The following NALF1 variants were observed in gnomAD, a reference collection of about 807,000 sequenced individuals.
NALF1 encodes NALCN channel auxiliary factor 1, also known as family with sequence similarity 155 member A.
In NALF1, 3 loss-of-function variants were observed where a neutral mutation model predicts 48.4. The ratio of observed to expected loss-of-function variants is 0.06; its 90% confidence interval spans 0.03 to 0.16. The LOEUF is 0.16. NALF1 is among the 10% of genes least tolerant of loss of function. NALF1 has a pLI of 1.00. For missense variants in NALF1, 526 were observed against 571.5 expected, an observed-to-expected ratio of 0.92 and a Z score of 0.81; for synonymous variants, 262 against 245.7, an observed-to-expected ratio of 1.07 and a Z score of -0.62.
intron 1 of NALF1, among the ~76,000 whole-genome samples, chr13:107,598,382 C>T (rs967423342): frequency 1.3e-5 from 2 of 152,162 alleles, no homozygotes; most frequent in African/African-American, 4.8e-5. Context: ...TTTAAGTAAT[C>T]ACTGTCAGTC....
intron 1 of NALF1, among the ~76,000 whole-genome samples, chr13:107,405,443 C>G (rs181598872): frequency 1.4e-3 from 213 of 152,124 alleles, no homozygotes; most frequent in Non-Finnish European, 2.6e-3. Context: ...TTGAAGTGGC[C>G]TTTCTGTTGA....
chr13:107,321,544 A>G (rs117930340), intron 1 of NALF1, among the ~76,000 whole-genome samples: 3,678 of 152,178 alleles, frequency 0.024, 52 homozygotes, highest in Middle Eastern at 0.058. Flanking sequence ...GGATTAAGAT[A>G]TTTGCCATTT....
intron 1 of NALF1, among the ~76,000 whole-genome samples, chr13:107,696,012 G>A (rs559555750): frequency 5.3e-5 from 8 of 151,272 alleles, no homozygotes; most frequent in Admixed American, 2.6e-4. Context: ...TTCTCCTGCC[G>A]CAGCCTCCTG....
chr13:107,446,674 T>C (rs2139031215), intron 1 of NALF1, among the ~76,000 whole-genome samples: 1 of 152,326 alleles, frequency 6.6e-6, no homozygotes, highest in South Asian at 2.1e-4. Context: ...CCTAACACTT[T>C]CTGTTTCTTA....
At chr13:107,210,982 T>C (rs1259624618) in intron 1 of NALF1, among the ~76,000 whole-genome samples, 2 of 152,244 alleles carry the variant, frequency 1.3e-5, no homozygotes, top group Non-Finnish European at 2.9e-5. Context: ...TAATAGAATG[T>C]AAAAGGTATT....
chr13:107,553,275 T>G (rs1877351336), intron 1 of NALF1, among the ~76,000 whole-genome samples: 1 of 152,182 alleles, frequency 6.6e-6, no homozygotes, highest in South Asian at 2.1e-4. Flanking sequence ...TACTTCACAT[T>G]TCAGAAAAAT....
intron 1 of NALF1, among the ~76,000 whole-genome samples, chr13:107,247,709 CAG>C (rs1423489476): frequency 1.3e-5 from 2 of 152,064 alleles, no homozygotes; most frequent in African/African-American, 2.4e-5. Flanking sequence ...ATGTAGCAAA[CAG>C]AAAGTAATGA....
chr13:107,365,684 C>A (rs1883140559), intron 1 of NALF1, among the ~76,000 whole-genome samples: 1 of 152,188 alleles, frequency 6.6e-6, no homozygotes, highest in South Asian at 2.1e-4. Flanking sequence ...CCTGTAATCT[C>A]ATTCCATTCC....
At chr13:107,373,646 C>T (rs927701564) in intron 1 of NALF1, among the ~76,000 whole-genome samples, 1 of 152,216 alleles carries the variant, frequency 6.6e-6, no homozygotes, top group African/African-American at 2.4e-5. Context: ...AGATACTCAG[C>T]ACTCACGCCT....
chr13:107,836,173 T>G (rs973692376), intron 1 of NALF1, among the ~76,000 whole-genome samples: 1 of 152,092 alleles, frequency 6.6e-6, no homozygotes, highest in Non-Finnish European at 1.5e-5. Context: ...GTAATTTTTG[T>G]AGAGATGGGG....
chr13:107,771,292 T>C (rs549022414), intron 1 of NALF1, among the ~76,000 whole-genome samples: 2 of 151,338 alleles, frequency 1.3e-5, no homozygotes, highest in Admixed American at 1.3e-4. Context: ...TGAAATCCGC[T>C]TTCAAAAAAT....
chr13:107,855,944 A>G (rs1880431510), intron 1 of NALF1, among the ~76,000 whole-genome samples: 3 of 151,710 alleles, frequency 2.0e-5, no homozygotes, highest in African/African-American at 2.4e-5. Flanking sequence ...TTGTTGCCCT[A>G]TTATCCAGGC....
intron 1 of NALF1, among the ~76,000 whole-genome samples, chr13:107,445,428 A>G (rs1268488052): frequency 6.6e-6 from 1 of 152,194 alleles, no homozygotes; most frequent in Non-Finnish European, 1.5e-5. Context: ...TCTATTGCCT[A>G]GTATGGATGC....
At chr13:107,243,288 C>T (rs1411089969) in intron 1 of NALF1, among the ~76,000 whole-genome samples, 1 of 152,162 alleles carries the variant, frequency 6.6e-6, no homozygotes, top group Non-Finnish European at 1.5e-5. Flanking sequence ...CCTCCCTTGT[C>T]CTCTACCCCT....
chr13:107,625,083 A>T (rs1015858579), intron 1 of NALF1, among the ~76,000 whole-genome samples: 2 of 152,146 alleles, frequency 1.3e-5, no homozygotes, highest in African/African-American at 4.8e-5. Flanking sequence ...AGGAATTGGC[A>T]TCCCTTATGG....
chr13:107,556,115 T>C (rs1351273583), intron 1 of NALF1, among the ~76,000 whole-genome samples: 3 of 151,988 alleles, frequency 2.0e-5, no homozygotes, highest in Non-Finnish European at 4.4e-5. Flanking sequence ...TAAGCTAAAC[T>C]TGTTTCAACT....
At chr13:107,495,102 A>T (rs1359435408) in intron 1 of NALF1, among the ~76,000 whole-genome samples, 2 of 152,202 alleles carry the variant, frequency 1.3e-5, no homozygotes, top group East Asian at 3.8e-4. Flanking sequence ...CAATGAAACT[A>T]AGTTAAGTCA....
intron 1 of NALF1, among the ~76,000 whole-genome samples, chr13:107,529,646 A>T (rs1478246807): frequency 6.6e-6 from 1 of 152,134 alleles, no homozygotes. Flanking sequence ...GACAGTAGCC[A>T]ACCATTCACC....
intron 1 of NALF1, among the ~76,000 whole-genome samples, chr13:107,280,591 C>T (rs555760022): frequency 2.6e-4 from 39 of 152,224 alleles, no homozygotes; most frequent in Non-Finnish European, 4.7e-4. Flanking sequence ...AGTCTTAATG[C>T]CTTTATGTTT....
Sources: allele counts gnomAD v4.1 joint callset (sites outside exome capture counted in the v4.1 genomes callset), GRCh38; gene constraint gnomAD v4.1.1; transcripts MANE v1.5; gene names NCBI Gene and HGNC (gene_info 2026-07-23, HGNC 2026-07-21).